The following ABCA1 variants were observed in gnomAD, a reference collection of about 807,000 sequenced individuals.
ABCA1 encodes the protein ATP binding cassette subfamily A member 1, also known as phospholipid-transporting ATPase ABCA1.
Under a neutral mutation model 262.5 loss-of-function variants are expected in ABCA1, and 133 were observed. The observed-to-expected ratio is 0.51, with a 90% CI of 0.44 to 0.59. ABCA1 has a LOEUF of 0.59. Ranked by LOEUF, ABCA1 falls within the 20% of genes least tolerant of loss-of-function variation. The pLI is 0.00. For synonymous variants in ABCA1, 1,022 were observed against 1,043.5 expected, an observed-to-expected ratio of 0.98 and a Z score of 0.40; for missense variants, 2,452 against 2,777.5, an observed-to-expected ratio of 0.88 and a Z score of 2.63.
chr9:104,785,686 T>C (rs1458843296), intron 48 of ABCA1, 47 bp from the exon 49 acceptor site: 4 of 1,610,558 alleles, frequency 2.5e-6, no homozygotes, highest in Non-Finnish European at 3.4e-6. Flanking sequence ...CAGAAAACTA[T>C]TTAAAAGAAT....
intron 18 of ABCA1, 24 bp downstream of exon 18, chr9:104,824,441 G>C (rs766041898): frequency 1.2e-5 from 19 of 1,613,832 alleles, no homozygotes; most frequent in Middle Eastern, 3.3e-4. Flanking sequence ...GTTAAAGAAA[G>C]AGCAGGAGGT....
intron 7 of ABCA1, chr9:104,855,173 C>A: frequency 2.0e-6 from 2 of 985,008 alleles, no homozygotes; most frequent in Non-Finnish European, 2.4e-6. Context: ...AGTTCTAACA[C>A]TGATCTACAG....
chr9:104,863,161 G>A (rs983746216), intron 5 of ABCA1, among the ~76,000 whole-genome samples: 13 of 152,040 alleles, frequency 8.6e-5, no homozygotes, highest in African/African-American at 2.2e-4. Flanking sequence ...GTCTGGTGGC[G>A]TCCCTGCGTA....
chr9:104,823,196 G>A (rs1240860985), intron 18 of ABCA1, among the ~76,000 whole-genome samples: 1 of 152,222 alleles, frequency 6.6e-6, no homozygotes, highest in Non-Finnish European at 1.5e-5. Flanking sequence ...TGAGGAAGAA[G>A]GGAGGTGGCT....
chr9:104,816,200 G>T lies in ABCA1; in HGVS notation c.3681C>A (p.Asp1227Glu). Residue 1227 changes from aspartate (D) to glutamate (E), a missense_variant, in exon 25 of 50, where the codon GAC (aspartate) becomes GAA (glutamate). This residue lies in a region of ABCA1 where 665 missense variants were observed against 727.3 expected (regional missense o/e 0.91). Transcript: ENST00000374736. ...AFVELFHEID[D>E]RLSDLGISSY... is the part of the protein sequence containing the mutation. Reference sequence around the variant, plus strand: ...TAGAAATGCCCAGGTCTGAGAGCCGGTCATCAATCTCATGAAAGAGTTCCA... The same window carrying T: ...TAGAAATGCCCAGGTCTGAGAGCCGTTCATCAATCTCATGAAAGAGTTCCA... 6.2e-7 allele frequency: 1 copy of T among 1,614,110 alleles called. No homozygotes were observed. The highest frequency in any genetic ancestry group is 8.5e-7 in the Non-Finnish European group (1 of 1,180,014).
At chr9:104,795,935 A>G in intron 39 of ABCA1, 118 bp downstream of exon 39, 1 of 1,407,322 alleles carries the variant, frequency 7.1e-7, no homozygotes, top group Non-Finnish European at 1.0e-6. Flanking sequence ...TGAAGACAGG[A>G]CAAGGCAGTC....
chr9:104,894,275 G>T (rs1840015751), intron 2 of ABCA1, among the ~76,000 whole-genome samples: 1 of 152,036 alleles, frequency 6.6e-6, no homozygotes, highest in Admixed American at 6.6e-5. Context: ...CCATATCTAG[G>T]ATCCTGTAGG....
At chr9:104,791,427 G>T (rs1456632042) in intron 43 of ABCA1, among the ~76,000 whole-genome samples, 1 of 152,148 alleles carries the variant, frequency 6.6e-6, no homozygotes, top group Non-Finnish European at 1.5e-5. Context: ...TGTTTTAGAT[G>T]TGCGTGCTTT....
At chr9:104,789,745 C>T (rs1219341758) in intron 44 of ABCA1, among the ~76,000 whole-genome samples, 2 of 150,994 alleles carry the variant, frequency 1.3e-5, no homozygotes, top group Admixed American at 6.6e-5. Context: ...TTTCCCACAA[C>T]GGTCATGGTC....
chr9:104,840,601 G>A (rs538248461), intron 8 of ABCA1, 82 bp from the exon 9 acceptor site: 1 of 1,342,586 alleles, frequency 7.4e-7, no homozygotes, highest in Middle Eastern at 2.4e-4. Flanking sequence ...AGAAGAGAAA[G>A]AAACATCTTA....
At chr9:104,792,110 A>G (rs756648625) in intron 42 of ABCA1, 112 bp from the exon 43 acceptor site, 17 of 977,484 alleles carry the variant, frequency 1.7e-5, no homozygotes, top group Non-Finnish European at 2.7e-5. Flanking sequence ...AGACTTGTCA[A>G]TAACCCTAAG....
intron 5 of ABCA1, among the ~76,000 whole-genome samples, chr9:104,878,667 G>A (rs1287711670): frequency 1.3e-5 from 2 of 152,098 alleles, no homozygotes; most frequent in African/African-American, 4.8e-5. Flanking sequence ...TTAGAACAGT[G>A]ATTCGCATAT....
At chr9:104,878,817 T>C (rs1469248870) in intron 5 of ABCA1, among the ~76,000 whole-genome samples, 2 of 152,068 alleles carry the variant, frequency 1.3e-5, no homozygotes, top group African/African-American at 4.8e-5. Context: ...AGTATTTGAG[T>C]AGAGATCCCC....
intron 7 of ABCA1, chr9:104,855,523 G>T: frequency 2.5e-6 from 2 of 792,294 alleles, no homozygotes; most frequent in East Asian, 3.0e-5. Flanking sequence ...CTATCTTGAC[G>T]CAATTGTTTT....
At chr9:104,902,455 G>A (rs1213354405) in intron 2 of ABCA1, among the ~76,000 whole-genome samples, 1 of 152,160 alleles carries the variant, frequency 6.6e-6, no homozygotes, top group Non-Finnish European at 1.5e-5. Flanking sequence ...AGCATTTACT[G>A]CCATGCAACT....
intron 5 of ABCA1, among the ~76,000 whole-genome samples, chr9:104,863,238 T>G (rs967376127): frequency 6.6e-6 from 1 of 152,200 alleles, no homozygotes; most frequent in Non-Finnish European, 1.5e-5. Flanking sequence ...ACCAGATGCT[T>G]GGTAGGAGCC....
intron 7 of ABCA1, among the ~76,000 whole-genome samples, chr9:104,851,711 C>T (rs1292167381): frequency 6.6e-6 from 1 of 152,204 alleles, no homozygotes; most frequent in African/African-American, 2.4e-5. Flanking sequence ...TCTGTCCCAC[C>T]CATTCCCCAA....
chr9:104,813,395 C>T (rs1032162292), intron 27 of ABCA1, among the ~76,000 whole-genome samples: 4 of 152,186 alleles, frequency 2.6e-5, no homozygotes, highest in Admixed American at 2.6e-4. Context: ...AAGACACACT[C>T]ATCCAAAATA....
chr9:104,809,346 T>C (rs1831065800), intron 30 of ABCA1, 120 bp downstream of exon 30: 2 of 979,258 alleles, frequency 2.0e-6, no homozygotes, highest in Non-Finnish European at 3.2e-6. Flanking sequence ...AACATAATAA[T>C]AATTCAAAGG....
Sources: gnomAD v4.1 joint callset for allele counts (sites outside exome capture counted in the v4.1 genomes callset) on GRCh38, gnomAD v4.1.1 for gene constraint, gnomAD v4.1.1 regional missense constraint, MANE v1.5 for transcripts, NCBI Gene and HGNC (gene_info 2026-07-23, HGNC 2026-07-21) for gene names.